Variants in NTM observed in about 807,000 individuals in gnomAD.
The protein encoded by NTM is neurotrimin.
NTM carries 13 observed loss-of-function variants against 42.1 expected under a neutral mutation model. That is an observed-to-expected ratio of 0.31 (90% CI 0.20 to 0.49). The LOEUF (loss-of-function observed/expected upper bound fraction) is 0.49. Ranked by LOEUF, NTM falls within the 20% of genes least tolerant of loss-of-function variation. The pLI is 0.99. For synonymous variants in NTM, 187 were observed against 179.2 expected (o/e 1.04, Z -0.35); for missense variants, 373 against 452.8 (o/e 0.82, Z 1.60).
chr11:131,932,389 T>G (rs945403849), intron 2 of NTM, among the ~76,000 whole-genome samples: 18 of 152,164 alleles, frequency 1.2e-4, no homozygotes, highest in Admixed American at 1.1e-3. Context: ...TATTTTGACA[T>G]AAGAAGAAAC....
chr11:131,598,875 T>TCTTCCTTCCTTCCTTC, intron 1 of NTM, among the ~76,000 whole-genome samples: 110 of 34,962 alleles, frequency 3.1e-3, no homozygotes, highest in Middle Eastern at 0.01. Context: ...CTTCCTTCCT[T>TCTTCCTTCCTTCCTTC]CTTCCTTCCT....
At chr11:131,502,352 T>G (rs962050454) in intron 1 of NTM, among the ~76,000 whole-genome samples, 5 of 152,184 alleles carry the variant, frequency 3.3e-5, no homozygotes, top group Admixed American at 3.3e-4. Context: ...ACCTTAATCA[T>G]GGACCTCTAG....
chr11:132,077,620 T>C (rs899334869), intron 2 of NTM, among the ~76,000 whole-genome samples: 2 of 152,204 alleles, frequency 1.3e-5, no homozygotes, highest in Non-Finnish European at 2.9e-5. Flanking sequence ...GTCTGACTGA[T>C]AAGGGGCAGA....
intron 1 of NTM, among the ~76,000 whole-genome samples, chr11:131,714,178 A>G (rs926628796): frequency 1.3e-5 from 2 of 151,740 alleles, no homozygotes; most frequent in African/African-American, 4.9e-5. Flanking sequence ...CACCAGCTTC[A>G]GATTTTTATT....
chr11:131,532,383 A>T (rs992846449), intron 1 of NTM, among the ~76,000 whole-genome samples: 3 of 152,198 alleles, frequency 2.0e-5, no homozygotes, highest in African/African-American at 7.2e-5. Flanking sequence ...TCTATGTTGT[A>T]GCGGGTATCG....
At position 132,025,603 on chromosome 11, in the gene NTM, C is replaced by T. The variant is rs542765594; in HGVS notation, c.167+113955C>T. Among the ~76,000 whole-genome samples, 76 of 152,208 alleles carry T rather than the reference C, an allele frequency of 5.0e-4. 1 individual carries two copies. The South Asian group carries it at 7.3e-3, about 15-fold the overall frequency. ...AACTTTGAGAGCCACTGTCCTAGAC[C>T]GGCAGTTCTCACTCCACTGTGACTA... On this transcript the variant is annotated intron_variant, in intron 2 of 8. Transcript: ENST00000683400.
intron 1 of NTM, among the ~76,000 whole-genome samples, chr11:131,854,759 C>T (rs1029399944): frequency 2.0e-5 from 3 of 152,158 alleles, no homozygotes; most frequent in African/African-American, 7.2e-5. Context: ...TGTACAAATG[C>T]AGATACTTTT....
chr11:132,329,652 T>G (rs2136421367), intron 7 of NTM, among the ~76,000 whole-genome samples: 1 of 152,366 alleles, frequency 6.6e-6, no homozygotes. Context: ...CCAGTTAAAC[T>G]TTTGCATTTC....
intron 2 of NTM, among the ~76,000 whole-genome samples, chr11:131,945,768 C>T (rs1207702780): frequency 6.6e-6 from 1 of 152,106 alleles, no homozygotes; most frequent in Non-Finnish European, 1.5e-5. Flanking sequence ...TGATATGCTC[C>T]CAAAGTCTCA....
chr11:131,631,349 C>T (rs1031292572), intron 1 of NTM, among the ~76,000 whole-genome samples: 2 of 152,164 alleles, frequency 1.3e-5, no homozygotes, highest in Non-Finnish European at 2.9e-5. Context: ...AAAAAGTTTT[C>T]AATCAACCTA....
At chr11:131,929,048 G>A (rs76776316) in intron 2 of NTM, among the ~76,000 whole-genome samples, 226 of 152,338 alleles carry the variant, frequency 1.5e-3, no homozygotes, top group African/African-American at 5.1e-3. Flanking sequence ...GCCTAACACC[G>A]TTCTAGACCC....
At chr11:132,069,782 C>T (rs1289037731) in intron 2 of NTM, among the ~76,000 whole-genome samples, 2 of 147,554 alleles carry the variant, frequency 1.4e-5, no homozygotes, top group Non-Finnish European at 1.5e-5. Context: ...AACTGACGAT[C>T]ACAGGTTAGT....
rs561890232 is a variant in NTM, at chr11:131,794,065, A to G, written c.83-117499A>G. Among the ~76,000 whole-genome samples the G allele has an allele frequency of 7.0e-4, 107 of 152,338 alleles. 1 individual carries two copies. The highest frequency in any genetic ancestry group is 2.5e-3 in the African/African-American group (103 of 41,572). ...TATTTGCTAGGTGTAATCACTTCAG[A>G]CTACTGAACTCATGGACGGTTCTCC... is the stretch of plus-strand genomic sequence containing the variant. On this transcript the variant is annotated intron_variant, in intron 1 of 8. Coordinates refer to ENST00000683400, the MANE Select transcript of NTM (RefSeq NM_001352005.2).
chr11:131,714,865 A>G (rs2077526629), intron 1 of NTM, among the ~76,000 whole-genome samples: 1 of 151,852 alleles, frequency 6.6e-6, no homozygotes, highest in South Asian at 2.1e-4. Context: ...TCCCGTGGCT[A>G]AGAAACAAGG....
intron 7 of NTM, among the ~76,000 whole-genome samples, chr11:132,318,762 ACCTCCTCTCC>A (rs2095493299): frequency 6.6e-6 from 1 of 151,768 alleles, no homozygotes; most frequent in Non-Finnish European, 1.5e-5. Flanking sequence ...CAATCCCCTG[ACCTCCTCTCC>A]CCACCTCACC....
At chr11:132,161,625 C>A (rs537583251) in intron 3 of NTM, among the ~76,000 whole-genome samples, 3 of 152,114 alleles carry the variant, frequency 2.0e-5, no homozygotes, top group East Asian at 1.9e-4. Context: ...CTTCCTCCCC[C>A]CAACTTTCTT....
chr11:132,314,371 G>A (rs535550944), intron 6 of NTM, 181 bp from the exon 7 acceptor site: 7 of 242,978 alleles, frequency 2.9e-5, no homozygotes, highest in East Asian at 1.8e-4. Context: ...AAGAAACAAC[G>A]TGTCACTCAC....
intron 1 of NTM, among the ~76,000 whole-genome samples, chr11:131,517,972 T>G (rs1367490209): frequency 5.9e-5 from 9 of 152,256 alleles, no homozygotes; most frequent in Admixed American, 5.9e-4. Flanking sequence ...TGACATTCTG[T>G]CTGTAACAAT....
chr11:132,151,050 A>G (rs1189834467), intron 3 of NTM, among the ~76,000 whole-genome samples: 1 of 152,186 alleles, frequency 6.6e-6, no homozygotes, highest in Non-Finnish European at 1.5e-5. Flanking sequence ...AATGATTTCC[A>G]TCTCTTTGAC....
Sources: allele counts gnomAD v4.1 joint callset (sites outside exome capture counted in the v4.1 genomes callset), GRCh38; gene constraint gnomAD v4.1.1; transcripts MANE v1.5; gene names NCBI Gene and HGNC (gene_info 2026-07-23, HGNC 2026-07-21).